CNOT6: variants seen among roughly 807,000 people sequenced by gnomAD.
The protein encoded by CNOT6 is carbon catabolite repression 4 protein.
Under a neutral mutation model 61.2 loss-of-function variants are expected in CNOT6, and 12 were observed. The observed-to-expected ratio is 0.20, with a 90% confidence interval of 0.13 to 0.32. The LOEUF (loss-of-function observed/expected upper bound fraction) is 0.32. Among genes scored for constraint, CNOT6 ranks in the 10% least tolerant of loss-of-function variants. The pLI, the probability that CNOT6 is intolerant of heterozygous loss-of-function variation, is 1.00. For synonymous variants in CNOT6, 225 were observed against 240.6 expected (o/e 0.94, Z 0.60); for missense variants, 405 against 663.9 (o/e 0.61, Z 4.28).
At chr5:180,561,440 T>A (rs1395911523) in intron 4 of CNOT6, among the ~76,000 whole-genome samples, 1 of 151,752 alleles carries the variant, frequency 6.6e-6, no homozygotes, top group East Asian at 1.9e-4. Context: ...TTGTCATGAT[T>A]CCTTTGTCTT....
chr5:180,550,448 T>C (rs1209462155), intron 3 of CNOT6, among the ~76,000 whole-genome samples: 2 of 151,812 alleles, frequency 1.3e-5, no homozygotes, highest in Non-Finnish European at 2.9e-5. Flanking sequence ...AGAGTCCATC[T>C]CAAAAAAAAC....
intron 2 of CNOT6, among the ~76,000 whole-genome samples, chr5:180,536,320 G>T (rs1758697767): frequency 6.6e-6 from 1 of 151,828 alleles, no homozygotes; most frequent in African/African-American, 2.4e-5. Context: ...TTTTCATGTT[G>T]AGTTGAGTTC....
Position 180,574,282 on chromosome 5 carries a change from A to G in CNOT6, c.*82A>G, listed in dbSNP as rs1760913537. On this transcript the variant is annotated 3_prime_UTR_variant, in exon 12 of 12. Coordinates refer to ENST00000261951, the MANE Select transcript of CNOT6 (RefSeq NM_001370472.1). Reference sequence around the variant, plus strand: ...ATAGGGGAGTGAGGTATGGCCACTGAGGATTTTTGCTTGCTTAAGAATGAT... The same window carrying G: ...ATAGGGGAGTGAGGTATGGCCACTGGGGATTTTTGCTTGCTTAAGAATGAT... 1 of 1,156,896 alleles carries G rather than the reference A, an allele frequency of 8.6e-7. No homozygotes were observed. Among genetic ancestry groups the G allele is most frequent in the East Asian group, 2.4e-5 (1 of 42,524 alleles). 71.7% of individuals were successfully genotyped at this position (1,156,896 alleles called of 1,614,324 possible). A position where few individuals can be genotyped will look rare whatever the true frequency, so the allele number is the denominator to read the frequency against.
intron 1 of CNOT6, among the ~76,000 whole-genome samples, chr5:180,520,585 T>A (rs903018550): frequency 2.0e-5 from 3 of 151,892 alleles, no homozygotes; most frequent in Admixed American, 6.6e-5. Context: ...GAGGTTGCAG[T>A]GAGCCAAGAT....
chr5:180,550,482 G>A (rs1581543074), intron 3 of CNOT6, among the ~76,000 whole-genome samples: 1 of 152,070 alleles, frequency 6.6e-6, no homozygotes, highest in Admixed American at 6.6e-5. Context: ...CATTTGTTGT[G>A]TTAGGAAACA....
rs11366709 is a variant in CNOT6, at chr5:180,526,883, C to CT, written c.-2-2375dup. On this transcript the variant is annotated intron_variant, in intron 1 of 11. Transcript: ENST00000261951. Reference sequence around the variant, plus strand: ...AAAAAAATCACATACAACCGTAAAACTTTTTTTTTTTTTTTTTGAGACAGG... The same window carrying CT: ...AAAAAAATCACATACAACCGTAAAACTTTTTTTTTTTTTTTTTTGAGACAGG... 4.0e-3 allele frequency among the ~76,000 whole-genome samples: 547 copies of CT among 138,434 alleles called. 7 individuals carry two copies. In the East Asian group the frequency reaches 0.045, roughly 11 times the overall value. The allele number at this position is 138,434 out of a possible 152,430, so 90.8% of individuals were successfully genotyped here. A position where few individuals can be genotyped will look rare whatever the true frequency, so the allele number is the denominator to read the frequency against.
intron 3 of CNOT6, among the ~76,000 whole-genome samples, chr5:180,550,435 G>C (rs549429396): frequency 6.6e-6 from 1 of 152,236 alleles, no homozygotes; most frequent in Admixed American, 6.5e-5. Context: ...GGGTGACAGA[G>C]CGAGAGTCCA....
intron 2 of CNOT6, among the ~76,000 whole-genome samples, chr5:180,547,545 G>T (rs565096943): frequency 1.3e-5 from 2 of 151,952 alleles, no homozygotes; most frequent in South Asian, 4.2e-4. Flanking sequence ...AAAGAAAATT[G>T]TGCTCCTCTG....
At chr5:180,566,917 G>A (rs995980900) in intron 7 of CNOT6, among the ~76,000 whole-genome samples, 171 bp from the exon 8 acceptor site, 3 of 151,928 alleles carry the variant, frequency 2.0e-5, no homozygotes, top group African/African-American at 7.3e-5. Flanking sequence ...GCCTCTCAAA[G>A]TGCTGGGGTT....
intron 4 of CNOT6, among the ~76,000 whole-genome samples, chr5:180,563,491 C>T (rs1285489386): frequency 6.6e-6 from 1 of 152,152 alleles, no homozygotes; most frequent in Non-Finnish European, 1.5e-5. Flanking sequence ...ATCCGCCCGC[C>T]TCGGCCTCCC....
chr5:180,552,508 T>A (rs902742654), intron 3 of CNOT6, among the ~76,000 whole-genome samples: 2 of 151,442 alleles, frequency 1.3e-5, no homozygotes, highest in Non-Finnish European at 2.9e-5. Flanking sequence ...TAGCTGGGTG[T>A]GGTGGCAGGC....
intron 1 of CNOT6, among the ~76,000 whole-genome samples, chr5:180,523,533 T>TA (rs1188504641): frequency 6.6e-6 from 1 of 152,204 alleles, no homozygotes; most frequent in Admixed American, 6.5e-5. Flanking sequence ...TTTCAACAAC[T>TA]ATTTCTTTTC....
At chr5:180,536,180 TA>T (rs1231011577) in intron 2 of CNOT6, among the ~76,000 whole-genome samples, 2 of 139,068 alleles carry the variant, frequency 1.4e-5, no homozygotes, top group African/African-American at 5.3e-5. Flanking sequence ...TATTTTTTTT[TA>T]GTAGAGATGG....
chr5:180,526,401 C>T (rs953873589), intron 1 of CNOT6, among the ~76,000 whole-genome samples: 9 of 152,062 alleles, frequency 5.9e-5, no homozygotes, highest in African/African-American at 1.2e-4. Context: ...GGGGGTGGAT[C>T]GAATTGCACA....
chr5:180,531,538 C>T (rs184928224), intron 2 of CNOT6, among the ~76,000 whole-genome samples: 15 of 138,662 alleles, frequency 1.1e-4, no homozygotes, highest in African/African-American at 3.2e-4. Flanking sequence ...ACATCCCAGA[C>T]GATGGGCGGC....
At chr5:180,553,283 T>G in intron 3 of CNOT6, 103 bp from the exon 4 acceptor site, 1 of 717,696 alleles carries the variant, frequency 1.4e-6, no homozygotes, top group Non-Finnish European at 2.3e-6. Flanking sequence ...AACGTAACAT[T>G]TTTTCATTCT....
chr5:180,497,043 T>C (rs1345102791), intron 1 of CNOT6, among the ~76,000 whole-genome samples: 1 of 152,150 alleles, frequency 6.6e-6, no homozygotes, highest in African/African-American at 2.4e-5. Context: ...AGTATGCATT[T>C]TATGCCAGGC....
At chr5:180,571,108 T>C in intron 10 of CNOT6, 122 bp from the exon 11 acceptor site, 5 of 669,894 alleles carry the variant, frequency 7.5e-6, no homozygotes, top group Non-Finnish European at 1.3e-5. Flanking sequence ...TCCTGGCAAA[T>C]GTAAAAGGAA....
chr5:180,571,620 C>T (rs935626418), intron 11 of CNOT6, among the ~76,000 whole-genome samples, 188 bp downstream of exon 11: 1 of 152,202 alleles, frequency 6.6e-6, no homozygotes, highest in East Asian at 1.9e-4. Flanking sequence ...GGCTGGAGTG[C>T]AGTGGCACAG....
Sources: gnomAD v4.1 joint callset for allele counts (sites outside exome capture counted in the v4.1 genomes callset) on GRCh38, gnomAD v4.1.1 for gene constraint, MANE v1.5 for transcripts, NCBI Gene and HGNC (gene_info 2026-07-23, HGNC 2026-07-21) for gene names.